Variants in PDE4D observed in about 807,000 individuals in gnomAD.
The protein encoded by PDE4D is phosphodiesterase 4D, also known as 3',5'-cyclic-AMP phosphodiesterase 4D.
Under a neutral mutation model 87.4 loss-of-function variants are expected in PDE4D, and 24 were observed. That is an observed-to-expected ratio of 0.27 (90% CI 0.20 to 0.39). PDE4D has a LOEUF of 0.39. PDE4D is among the 10% of genes least tolerant of loss of function. PDE4D has a pLI of 1.00. For synonymous variants in PDE4D, 384 were observed against 383.2 expected (o/e 1.00, Z -0.02); for missense variants, 714 against 1,041.0 (o/e 0.69, Z 4.32).
At chr5:59,694,598 G>C (rs975804030) in intron 1 of PDE4D, among the ~76,000 whole-genome samples, 1 of 152,258 alleles carries the variant, frequency 6.6e-6, no homozygotes, top group Admixed American at 6.5e-5. Flanking sequence ...GTTGTAACTG[G>C]GTGGGAGACT....
Position 60,041,402 on chromosome 5 carries a change from A to G in PDE4D, c.43-52685T>C, listed in dbSNP as rs1768463516. On this transcript the variant is annotated intron_variant, in intron 2 of 16. Transcript: ENST00000502484. ...GAAACAATAGCTAATTCTTTAAGGC[A>G]ACTAGGAACTCTTTTGTGCCCTGGC... Among the ~76,000 whole-genome samples the G allele has an allele frequency of 3.3e-5, 5 of 152,330 alleles. No homozygotes were observed. The South Asian group carries it at 6.2e-4, about 19-fold the overall frequency.
chr5:58,985,006 T>G (rs1746079450), intron 11 of PDE4D, among the ~76,000 whole-genome samples: 1 of 152,072 alleles, frequency 6.6e-6, no homozygotes, highest in Non-Finnish European at 1.5e-5. Context: ...ACCTCCCAGG[T>G]TCAAGCAATT....
At chr5:59,093,945 C>T (rs1769207685) in intron 5 of PDE4D, among the ~76,000 whole-genome samples, 2 of 151,946 alleles carry the variant, frequency 1.3e-5, no homozygotes, top group East Asian at 3.9e-4. Flanking sequence ...TGAGGCTGGG[C>T]ATGTTGGCTC....
At chr5:60,405,014 C>A (rs936125610) in intron 1 of PDE4D, among the ~76,000 whole-genome samples, 1 of 152,222 alleles carries the variant, frequency 6.6e-6, no homozygotes, top group Non-Finnish European at 1.5e-5. Flanking sequence ...AATGAAAGAA[C>A]AATAGAGCCT....
chr5:59,268,262 C>A (rs1359712626), intron 1 of PDE4D, among the ~76,000 whole-genome samples: 1 of 152,042 alleles, frequency 6.6e-6, no homozygotes, highest in Non-Finnish European at 1.5e-5. Flanking sequence ...TAAATACTTA[C>A]AATATTGCCC....
intron 1 of PDE4D, among the ~76,000 whole-genome samples, chr5:60,428,920 A>G (rs1315430780): frequency 2.0e-5 from 3 of 152,206 alleles, no homozygotes; most frequent in Non-Finnish European, 4.4e-5. Flanking sequence ...ACTTCGGTCC[A>G]AAGTCCTTGA....
chr5:60,331,209 C>T (rs963663464), intron 1 of PDE4D, among the ~76,000 whole-genome samples: 5 of 152,192 alleles, frequency 3.3e-5, no homozygotes, highest in African/African-American at 1.2e-4. Flanking sequence ...AAGGTTTAAT[C>T]TCAGCTCAAC....
chr5:59,942,202 G>A (rs1757260527), intron 3 of PDE4D, among the ~76,000 whole-genome samples: 1 of 152,182 alleles, frequency 6.6e-6, no homozygotes, highest in Non-Finnish European at 1.5e-5. Context: ...ATTTCCAGAG[G>A]ATTTAAGTGC....
chr5:59,432,938 C>T (rs1461957245), intron 1 of PDE4D, among the ~76,000 whole-genome samples: 1 of 152,140 alleles, frequency 6.6e-6, no homozygotes, highest in East Asian at 1.9e-4. Context: ...GTATATTTTT[C>T]TTAATGGGAA....
rs1424666647 is a variant in PDE4D, at chr5:59,397,907, C to T, written c.456-181939G>A. Among the ~76,000 whole-genome samples the T allele has an allele frequency of 3.4e-4, 41 of 120,870 alleles. 4 individuals are homozygous for T. The highest frequency in any genetic ancestry group is 1.6e-3 in the East Asian group (6 of 3,774). The allele number at this position is 120,870 out of a possible 152,430, so 79.3% of individuals were successfully genotyped here. The stretch of plus-strand genomic sequence containing the variant: ...AAAATGATAAAGGGGATATCACCAA[C>T]GATCCCACAGAAATACAAACTACCA... On this transcript the variant is annotated intron_variant, in intron 1 of 14. Coordinates refer to ENST00000340635, the MANE Select transcript of PDE4D (RefSeq NM_001104631.2).
intron 1 of PDE4D, among the ~76,000 whole-genome samples, chr5:59,339,738 T>C (rs1389986190): frequency 3.3e-5 from 5 of 152,146 alleles, no homozygotes; most frequent in African/African-American, 9.7e-5. Context: ...GAGAGAATGA[T>C]TGAAGCACAT....
At chr5:59,626,110 T>C (rs1300550539) in intron 1 of PDE4D, among the ~76,000 whole-genome samples, 1 of 151,744 alleles carries the variant, frequency 6.6e-6, no homozygotes, top group African/African-American at 2.4e-5. Flanking sequence ...CAAAACAAAA[T>C]AAAAAAAACC....
At chr5:59,280,760 G>T (rs1340738942) in intron 1 of PDE4D, among the ~76,000 whole-genome samples, 1 of 152,072 alleles carries the variant, frequency 6.6e-6, no homozygotes, top group East Asian at 1.9e-4. Flanking sequence ...CTAAGTGCAT[G>T]GGTGAGGCTT....
intron 1 of PDE4D, among the ~76,000 whole-genome samples, chr5:59,334,085 T>C (rs1367726344): frequency 6.6e-6 from 1 of 151,934 alleles, no homozygotes; most frequent in Non-Finnish European, 1.5e-5. Context: ...CTAAGTTTCC[T>C]CATAAAAGGC....
At chr5:60,047,618 G>C (rs778908991) in intron 2 of PDE4D, among the ~76,000 whole-genome samples, 59 of 151,992 alleles carry the variant, frequency 3.9e-4, no homozygotes, top group African/African-American at 1.4e-3. Context: ...CCTTCATTTC[G>C]TTATGTACCC....
intron 1 of PDE4D, among the ~76,000 whole-genome samples, chr5:59,595,317 G>C (rs1826510076): frequency 6.6e-6 from 1 of 152,004 alleles, no homozygotes; most frequent in Admixed American, 6.6e-5. Context: ...TTTTAAAGAG[G>C]AAACATTATT....
chr5:59,370,603 T>C (rs1188256514), intron 1 of PDE4D, among the ~76,000 whole-genome samples: 3 of 152,216 alleles, frequency 2.0e-5, no homozygotes, highest in Non-Finnish European at 4.4e-5. Flanking sequence ...ATTTTTTTCA[T>C]AGAACTAACC....
At chr5:59,645,856 T>C (rs1250221313) in intron 1 of PDE4D, among the ~76,000 whole-genome samples, 1 of 152,168 alleles carries the variant, frequency 6.6e-6, no homozygotes, top group East Asian at 1.9e-4. Context: ...CCCCCAAAAA[T>C]TGAGAAACTT....
chr5:59,894,134 C>A (rs1453175086), upstream of PDE4D, among the ~76,000 whole-genome samples: 1 of 152,092 alleles, frequency 6.6e-6, no homozygotes, highest in Middle Eastern at 3.2e-3. Flanking sequence ...CAAAACCACT[C>A]CAGCCAGTCA....
Sources: gnomAD v4.1 joint callset for allele counts (sites outside exome capture counted in the v4.1 genomes callset) on GRCh38, gnomAD v4.1.1 for gene constraint, MANE v1.5 for transcripts, NCBI Gene and HGNC (gene_info 2026-07-23, HGNC 2026-07-21) for gene names.